SHISAL1: variants seen among roughly 807,000 people sequenced by gnomAD.
SHISAL1 encodes shisa like 1.
A neutral mutation model predicts 22.6 loss-of-function variants in SHISAL1; 9 were observed. The observed-to-expected ratio is 0.40, with a 90% CI of 0.24 to 0.70. The LOEUF (loss-of-function observed/expected upper bound fraction) is 0.70, where lower values mean the gene tolerates loss of function less well. SHISAL1 is among the 30% of genes least tolerant of loss of function. The pLI is 0.39. For synonymous variants in SHISAL1, 119 were observed against 115.4 expected (o/e 1.03, Z -0.20); for missense variants, 246 against 270.6 (o/e 0.91, Z 0.64).
chr22:44,308,585 C>T (rs538897701), intron 1 of SHISAL1, among the ~76,000 whole-genome samples: 2 of 152,328 alleles, frequency 1.3e-5, no homozygotes, highest in African/African-American at 4.8e-5. Context: ...CTCTCACTCC[C>T]CAGGCGAGCT....
At chr22:44,286,856 CCG>C (rs1189712309) in intron 3 of SHISAL1, among the ~76,000 whole-genome samples, 1 of 152,226 alleles carries the variant, frequency 6.6e-6, no homozygotes, top group Non-Finnish European at 1.5e-5. Flanking sequence ...CCTGAAGCCA[CCG>C]ATCTGTTAAT....
chr22:44,283,487 G>C (rs995089804), intron 4 of SHISAL1, among the ~76,000 whole-genome samples: 9 of 152,222 alleles, frequency 5.9e-5, no homozygotes, highest in African/African-American at 1.9e-4. Context: ...GGGAACTGCT[G>C]CTGAGACAGG....
At position 44,286,976 on chromosome 22, in the gene SHISAL1, C is replaced by T. The variant is rs147424320; in HGVS notation, c.282-1231G>A. Among the ~76,000 whole-genome samples, 1,219 of 152,346 alleles carry T rather than the reference C, an allele frequency of 8.0e-3. 23 individuals are homozygous for T. The highest frequency in any genetic ancestry group is 0.027 in the African/African-American group (1,136 of 41,574). ...ATGGAGCCAGTGTCCGGCCTGTACA[C>T]GCCACCGCTGCACATCCCCAGGGAG... is the stretch of plus-strand genomic sequence containing the variant. On this transcript the variant is annotated intron_variant, in intron 3 of 4. Coordinates refer to ENST00000381176, the MANE Select transcript of SHISAL1 (RefSeq NM_001099294.2).
chr22:44,280,506 G>A (rs1037371004), intron 4 of SHISAL1, among the ~76,000 whole-genome samples: 13 of 152,150 alleles, frequency 8.5e-5, no homozygotes, highest in African/African-American at 2.4e-4. Flanking sequence ...AGCACTAACC[G>A]TGGTTCCCAG....
chr22:44,306,571 G>A (rs13056871), intron 1 of SHISAL1, among the ~76,000 whole-genome samples: 271 of 22,892 alleles, frequency 0.012, 3 homozygotes, highest in South Asian at 0.019. Context: ...ACTGAGCTCG[G>A]GGAGCTGTGA....
intron 4 of SHISAL1, among the ~76,000 whole-genome samples, chr22:44,258,504 G>A (rs111697659): frequency 3.3e-5 from 5 of 152,082 alleles, no homozygotes; most frequent in South Asian, 2.1e-4. Context: ...AGTGTGTATC[G>A]TTCCCCTCTA....
rs1008386539 is a variant in SHISAL1 at position 44,310,972 on chromosome 22, T to C, written c.-33+1779A>G. On this transcript the variant is annotated intron_variant, in intron 1 of 4. Transcript: ENST00000381176. The surrounding 1 kb of genome is among the most constrained non-coding windows in gnomAD (Gnocchi z 4.0). ...TCCATTAGCACTCGTTGGCCTGGTT[T>C]GTTTTATTGCAAAGAGCAAACTTCC... is the stretch of plus-strand genomic sequence containing the variant. Among the ~76,000 whole-genome samples the C allele has an allele frequency of 6.6e-6, 1 of 152,058 alleles. No individual in the cohort carries two copies. Among genetic ancestry groups the C allele is most frequent in the African/African-American group, 2.4e-5 (1 of 41,400 alleles).
intron 4 of SHISAL1, among the ~76,000 whole-genome samples, chr22:44,266,565 G>A (rs1397120149): frequency 7.8e-6 from 1 of 128,586 alleles, no homozygotes; most frequent in African/African-American, 3.1e-5. Flanking sequence ...TGTGTTGGAG[G>A]GCTCTGGTGT....
At chr22:44,250,505 T>G (rs750390973) in intron 4 of SHISAL1, among the ~76,000 whole-genome samples, 2 of 152,134 alleles carry the variant, frequency 1.3e-5, no homozygotes, top group African/African-American at 2.4e-5. Context: ...ACAGACTCCA[T>G]CTGTGGAAAG....
At chr22:44,251,197 C>T (rs754738906) in intron 4 of SHISAL1, among the ~76,000 whole-genome samples, 1 of 152,226 alleles carries the variant, frequency 6.6e-6, no homozygotes, top group Non-Finnish European at 1.5e-5. Context: ...GTGTTTTACA[C>T]ATCGCTGCAT....
chr22:44,265,385 A>G (rs1318399429), intron 4 of SHISAL1, among the ~76,000 whole-genome samples: 1 of 152,044 alleles, frequency 6.6e-6, no homozygotes, highest in African/African-American at 2.4e-5. Context: ...CCCTGTGGAG[A>G]GGCCCACCTG....
intron 2 of SHISAL1, among the ~76,000 whole-genome samples, chr22:44,297,498 C>G (rs1179883722): frequency 6.6e-6 from 1 of 152,226 alleles, no homozygotes. Flanking sequence ...ACAGCAGACC[C>G]TTCGTTCCTT....
the SHISAL1 span, among the ~76,000 whole-genome samples, chr22:44,323,951 C>T: frequency 6.6e-6 from 1 of 152,218 alleles, no homozygotes. Context: ...CGTTTAATTC[C>T]TGAAGAGGTG....
chr22:44,300,993 C>A lies in SHISAL1; in HGVS notation c.-32-16G>T. 5 of 1,571,142 alleles carry A rather than the reference C, an allele frequency of 3.2e-6. No individual in the cohort carries two copies. Among genetic ancestry groups the A allele is most frequent in the Non-Finnish European group, 4.4e-6 (5 of 1,142,420 alleles). ...CCAGAGCTGCCTGTTCAATGAGAGC[C>A]ACGAGAGGCTGGGTGTGGGCTGTCT... On this transcript the variant is annotated splice_polypyrimidine_tract_variant and intron_variant, in intron 1 of 4. Transcript: ENST00000381176.
At chr22:44,253,832 C>CTG (rs61001074) in intron 4 of SHISAL1, among the ~76,000 whole-genome samples, 8,699 of 149,218 alleles carry the variant, frequency 0.058, 419 homozygotes, top group African/African-American at 0.13. Context: ...AATCTAACAA[C>CTG]TGTGTGTGTG....
chr22:44,317,456 C>T (rs1231045003), upstream of SHISAL1, among the ~76,000 whole-genome samples: 2 of 152,226 alleles, frequency 1.3e-5, no homozygotes, highest in Non-Finnish European at 2.9e-5. Context: ...CCCTTGCAAA[C>T]CCTTGCTGGC....
At chr22:44,295,664 C>T (rs1433435585) in intron 3 of SHISAL1, among the ~76,000 whole-genome samples, 5 of 152,216 alleles carry the variant, frequency 3.3e-5, no homozygotes, top group Admixed American at 2.0e-4. Flanking sequence ...CATCATATTT[C>T]CTTCATATAT....
intron 1 of SHISAL1, among the ~76,000 whole-genome samples, chr22:44,304,779 C>T (rs7510896): frequency 0.16 from 25,009 of 152,104 alleles, 2,319 homozygotes; most frequent in Middle Eastern, 0.21. Context: ...ATGCCTCCCC[C>T]GTGCTCCATT....
At chr22:44,266,345 G>A (rs1423504618) in intron 4 of SHISAL1, among the ~76,000 whole-genome samples, 1 of 151,870 alleles carries the variant, frequency 6.6e-6, no homozygotes, top group African/African-American at 2.4e-5. Flanking sequence ...CCACCTAGAT[G>A]GATGGGGATG....
Sources: gnomAD v4.1 joint callset for allele counts (sites outside exome capture counted in the v4.1 genomes callset) on GRCh38, gnomAD v4.1.1 for gene constraint, Gnocchi (gnomAD v3.1) non-coding constraint, MANE v1.5 for transcripts, NCBI Gene and HGNC (gene_info 2026-07-23, HGNC 2026-07-21) for gene names.